The following SH3KBP1 variants were observed in gnomAD, a reference collection of about 807,000 sequenced individuals.
The protein encoded by SH3KBP1 is SH3 domain-containing kinase-binding protein 1.
In SH3KBP1, 8 loss-of-function variants were observed where a neutral mutation model predicts 50.1. That is an observed-to-expected ratio of 0.16 (90% CI 0.09 to 0.29). SH3KBP1 has a LOEUF of 0.29. Among genes scored for constraint, SH3KBP1 ranks in the 10% least tolerant of loss-of-function variants. The pLI is 1.00. For synonymous variants in SH3KBP1, 227 were observed against 218.6 expected (o/e 1.04, Z -0.34); for missense variants, 377 against 535.2 (o/e 0.70, Z 2.92).
At chrX:19,686,921 C>T (rs1024883787) in intron 5 of SH3KBP1, among the ~76,000 whole-genome samples, 4 of 111,947 alleles carry the variant, frequency 3.6e-5, no homozygotes, top group African/African-American at 1.3e-4. Context: ...AGTCTTCCAG[C>T]ATTGATCAGT....
intron 2 of SH3KBP1, among the ~76,000 whole-genome samples, chrX:19,764,721 G>T (rs956231829): frequency 9.0e-6 from 1 of 110,760 alleles, no homozygotes; most frequent in African/African-American, 3.3e-5. Context: ...CAAGTCCTAT[G>T]TCGGGGGTAG....
chrX:19,640,785 G>C lies in SH3KBP1; in HGVS notation c.802+4615C>G, dbSNP rs764547227. On this transcript the variant is annotated intron_variant, in intron 7 of 17. Transcript: ENST00000397821. ...TTTTCTGCGGGGCAGATGGAAAATT[G>C]AAAGTATCTCTGATTAGTTGCTTTC... Among the ~76,000 whole-genome samples, 7 of 111,904 alleles carry C rather than the reference G, an allele frequency of 6.3e-5. No individual in the cohort carries two copies. In the South Asian group the frequency reaches 2.6e-3, roughly 42 times the overall value.
intron 17 of SH3KBP1, 120 bp downstream of exon 17, chrX:19,537,597 A>G: frequency 1.7e-6 from 1 of 598,205 alleles, no homozygotes; most frequent in South Asian, 2.7e-5. Flanking sequence ...AGATGGTCAC[A>G]GGAAATGTAT....
chrX:19,634,031 GGTGTGTGTGTGT>G (rs60109180), intron 7 of SH3KBP1, among the ~76,000 whole-genome samples: 957 of 32,157 alleles, frequency 0.03, 23 homozygotes, highest in East Asian at 0.046. Context: ...TTTGTTCCCT[GGTGTGTGTGTGT>G]GTGTGTGTGT....
At chrX:19,567,095 G>A (rs1221723843) in intron 13 of SH3KBP1, among the ~76,000 whole-genome samples, 1 of 109,924 alleles carries the variant, frequency 9.1e-6, no homozygotes, top group Non-Finnish European at 1.9e-5. Flanking sequence ...GATAGTGCTT[G>A]CCAGAGGTTA....
At chrX:19,735,292 T>A (rs1233762434) in intron 3 of SH3KBP1, among the ~76,000 whole-genome samples, 1 of 111,365 alleles carries the variant, frequency 9.0e-6, no homozygotes, top group Non-Finnish European at 1.9e-5. Context: ...GTTTTTCGAT[T>A]CTCTATTTCA....
intron 2 of SH3KBP1, among the ~76,000 whole-genome samples, chrX:19,780,142 T>C (rs1167586254): frequency 3.7e-5 from 4 of 108,862 alleles, no homozygotes; most frequent in African/African-American, 1.3e-4. Flanking sequence ...TTCTAACTGG[T>C]GTGAGATGGT....
chrX:19,658,643 C>A (rs1336551365), intron 6 of SH3KBP1, among the ~76,000 whole-genome samples: 9 of 110,670 alleles, frequency 8.1e-5, no homozygotes, highest in Admixed American at 1.9e-4. Context: ...CAGCTCACTG[C>A]AACCTCTGCC....
At chrX:19,650,471 A>G (rs1371251821) in intron 6 of SH3KBP1, among the ~76,000 whole-genome samples, 2 of 111,795 alleles carry the variant, frequency 1.8e-5, no homozygotes, top group African/African-American at 6.5e-5. Flanking sequence ...CTCACTCACT[A>G]TCACGAGAAC....
intron 9 of SH3KBP1, among the ~76,000 whole-genome samples, chrX:19,598,219 GC>G (rs755276055): frequency 9.4e-6 from 1 of 106,552 alleles, no homozygotes; most frequent in African/African-American, 3.5e-5. Flanking sequence ...CATATCATCA[GC>G]AAGTCTGTTT....
chrX:19,855,045 G>A (rs929324017), intron 1 of SH3KBP1, among the ~76,000 whole-genome samples: 3 of 110,807 alleles, frequency 2.7e-5, no homozygotes, highest in African/African-American at 9.9e-5. Context: ...GTGCGATGTC[G>A]GCTCACTGCA....
intron 1 of SH3KBP1, among the ~76,000 whole-genome samples, chrX:19,842,244 T>C (rs1386613831): frequency 2.7e-5 from 3 of 112,324 alleles, no homozygotes; most frequent in Admixed American, 9.4e-5. Flanking sequence ...CAAATAAAAA[T>C]TGGCCGGGCG....
At chrX:19,631,367 T>C (rs2061571587) in intron 8 of SH3KBP1, among the ~76,000 whole-genome samples, 1 of 112,535 alleles carries the variant, frequency 8.9e-6, no homozygotes, top group South Asian at 3.7e-4. Flanking sequence ...GCTCTGGCTC[T>C]AATAATAATA....
chrX:19,877,376 T>C (rs1334663417), intron 1 of SH3KBP1, among the ~76,000 whole-genome samples: 1 of 111,574 alleles, frequency 9.0e-6, no homozygotes, highest in Non-Finnish European at 1.9e-5. Context: ...AAAATTGAGG[T>C]CCATGAAGAT....
At chrX:19,841,166 G>A (rs1021543585) in intron 1 of SH3KBP1, among the ~76,000 whole-genome samples, 2 of 111,148 alleles carry the variant, frequency 1.8e-5, no homozygotes, top group African/African-American at 6.6e-5. Flanking sequence ...TGGTGGTGGC[G>A]GTGGTATATC....
chrX:19,867,228 C>T (rs1603286939), intron 1 of SH3KBP1, among the ~76,000 whole-genome samples: 1 of 111,040 alleles, frequency 9.0e-6, no homozygotes, highest in African/African-American at 3.3e-5. Flanking sequence ...TTGCAGGAAC[C>T]CACTGGGGCT....
intron 12 of SH3KBP1, among the ~76,000 whole-genome samples, chrX:19,584,552 C>G (rs1027777999): frequency 2.8e-5 from 3 of 109,004 alleles, no homozygotes; most frequent in African/African-American, 1.0e-4. Context: ...AGGTTGGTCT[C>G]GAGCTCCTGG....
chrX:19,592,015 C>T, intron 11 of SH3KBP1, 52 bp downstream of exon 11: 1 of 994,987 alleles, frequency 1.0e-6, no homozygotes, highest in Non-Finnish European at 1.4e-6. Flanking sequence ...GTGTAACAGA[C>T]AGCTTCAGCT....
At chrX:19,760,027 T>TCTCTCTCTCTCTCC (rs756802271) in intron 2 of SH3KBP1, among the ~76,000 whole-genome samples, 23 of 70,117 alleles carry the variant, frequency 3.3e-4, no homozygotes, top group African/African-American at 1.4e-3. Flanking sequence ...CTCTCTCCTC[T>TCTCTCTCTCTCTCC]CTCTCTCTCT....
Sources: gnomAD v4.1 joint callset for allele counts (sites outside exome capture counted in the v4.1 genomes callset) on GRCh38, gnomAD v4.1.1 for gene constraint, MANE v1.5 for transcripts, NCBI Gene and HGNC (gene_info 2026-07-23, HGNC 2026-07-21) for gene names.